RGL1: variants seen among roughly 807,000 people sequenced by gnomAD.
RGL1 encodes ral guanine nucleotide dissociation stimulator-like 1.
RGL1 carries 24 observed loss-of-function variants against 95.2 expected under a neutral mutation model. That is an observed-to-expected ratio of 0.25 (90% confidence interval 0.18 to 0.35). RGL1 has a LOEUF of 0.35. Ranked by LOEUF, RGL1 falls within the 10% of genes least tolerant of loss-of-function variation. The pLI is 1.00. For missense variants in RGL1, 715 were observed against 936.3 expected (o/e 0.76, Z 3.08); for synonymous variants, 329 against 344.9 (o/e 0.95, Z 0.51).
At chr1:183,828,915 G>A (rs1663067791) in intron 2 of RGL1, among the ~76,000 whole-genome samples, 3 of 152,208 alleles carry the variant, frequency 2.0e-5, no homozygotes. Flanking sequence ...AAGAGAGTTG[G>A]AGAGGAGAAT....
At chr1:183,807,680 C>T (rs1239549867) in intron 2 of RGL1, among the ~76,000 whole-genome samples, 9 of 152,198 alleles carry the variant, frequency 5.9e-5, no homozygotes, top group Non-Finnish European at 1.3e-4. Flanking sequence ...CAGGCCTTTC[C>T]TGCTACTGTA....
chr1:183,777,834 T>C (rs1659676709), intron 2 of RGL1, among the ~76,000 whole-genome samples: 1 of 152,236 alleles, frequency 6.6e-6, no homozygotes, highest in African/African-American at 2.4e-5. Context: ...TTGAGTTTTA[T>C]GTACTTTTTA....
intron 3 of RGL1, among the ~76,000 whole-genome samples, chr1:183,849,651 C>T (rs1664704057): frequency 6.6e-6 from 1 of 151,824 alleles, no homozygotes; most frequent in South Asian, 2.1e-4. Context: ...CCACCACACC[C>T]AGCTAATTTT....
chr1:183,762,558 T>C (rs188142782), intron 2 of RGL1, among the ~76,000 whole-genome samples: 3 of 152,290 alleles, frequency 2.0e-5, no homozygotes, highest in African/African-American at 7.2e-5. Context: ...TCACATACTG[T>C]TGAAAAAATG....
At chr1:183,804,433 TGAA>T (rs1661157035), upstream of RGL1, among the ~76,000 whole-genome samples, 1 of 152,224 alleles carries the variant, frequency 6.6e-6, no homozygotes, top group South Asian at 2.1e-4. Flanking sequence ...AGTCATCTGA[TGAA>T]GAACTTTTCC....
chr1:183,901,590 T>A (rs1261453642), intron 11 of RGL1, among the ~76,000 whole-genome samples: 2 of 152,150 alleles, frequency 1.3e-5, no homozygotes, highest in Non-Finnish European at 2.9e-5. Flanking sequence ...GTCAAATTTG[T>A]GATTTTTCAA....
chr1:183,722,787 G>A (rs530321922), intron 1 of RGL1, among the ~76,000 whole-genome samples: 116 of 152,212 alleles, frequency 7.6e-4, no homozygotes, highest in African/African-American at 2.5e-3. Flanking sequence ...GTGAGAGTTG[G>A]CCAGCACACC....
intron 1 of RGL1, among the ~76,000 whole-genome samples, chr1:183,661,737 G>A (rs899171640): frequency 2.7e-5 from 4 of 150,322 alleles, no homozygotes; most frequent in South Asian, 2.1e-4. Context: ...TATCAAAGCC[G>A]GGCAGAAGAG....
rs1237554330 is a variant in RGL1, at chr1:183,786,808, G to T, written c.133-19567G>T. Among the ~76,000 whole-genome samples, 6 of 152,176 alleles carry T rather than the reference G, an allele frequency of 3.9e-5. No individual in the cohort carries two copies. The East Asian group carries it at 1.2e-3, about 29-fold the overall frequency. ...TGGTCCAGCATTTATGTTGTCTGTAGTCTTGATATTTCAGTTTTTTAGGTC... is the reference window on the plus strand; with the variant it reads ...TGGTCCAGCATTTATGTTGTCTGTATTCTTGATATTTCAGTTTTTTAGGTC... On this transcript the variant is annotated intron_variant, in intron 2 of 18. Coordinates refer to the RGL1 transcript ENST00000304685.
intron 2 of RGL1, among the ~76,000 whole-genome samples, chr1:183,816,513 T>C (rs1572450438): frequency 1.3e-5 from 2 of 152,166 alleles, no homozygotes; most frequent in East Asian, 3.9e-4. Context: ...GCTTGTGAGG[T>C]TGTGACTTTC....
chr1:183,719,858 A>G (rs1488538122), intron 1 of RGL1, among the ~76,000 whole-genome samples: 2 of 152,168 alleles, frequency 1.3e-5, no homozygotes, highest in Non-Finnish European at 2.9e-5. Flanking sequence ...GTGAGCCGGG[A>G]TTGTGCCACT....
intron 2 of RGL1, among the ~76,000 whole-genome samples, chr1:183,782,947 T>C (rs1161345610): frequency 6.6e-6 from 1 of 152,102 alleles, no homozygotes; most frequent in African/African-American, 2.4e-5. Context: ...TTGCCCACCT[T>C]AATCATAAAC....
At chr1:183,906,429 A>G (rs1332273309) in intron 13 of RGL1, among the ~76,000 whole-genome samples, 1 of 152,090 alleles carries the variant, frequency 6.6e-6, no homozygotes, top group African/African-American at 2.4e-5. Context: ...AAGTATTTGT[A>G]GGCCACCCTG....
At chr1:183,922,849 C>T (rs1172095409) in intron 17 of RGL1, among the ~76,000 whole-genome samples, 2 of 152,164 alleles carry the variant, frequency 1.3e-5, no homozygotes, top group Non-Finnish European at 2.9e-5. Context: ...AGGTTATTTA[C>T]CTCACATTTA....
chr1:183,785,005 A>C (rs12141682), intron 2 of RGL1, among the ~76,000 whole-genome samples: 1 of 152,150 alleles, frequency 6.6e-6, no homozygotes, highest in African/African-American at 2.4e-5. Context: ...CATTCTTTTC[A>C]TGTGGCTTCT....
At chr1:183,720,882 G>A (rs1655980022) in intron 1 of RGL1, among the ~76,000 whole-genome samples, 2 of 152,170 alleles carry the variant, frequency 1.3e-5, no homozygotes, top group African/African-American at 4.8e-5. Context: ...TTGGATGTGG[G>A]TACTGAGCAA....
rs76771335 is a variant in RGL1, at chr1:183,926,717, A to G, written c.*425A>G. The G allele has an allele frequency of 3.8e-3, 577 of 153,386 alleles. 1 individual carries two copies. Among genetic ancestry groups the G allele is most frequent in the Admixed American group, 6.3e-3 (96 of 15,360 alleles). 9.5% of individuals were successfully genotyped at this position (153,386 alleles called of 1,614,324 possible). On this transcript the variant is annotated 3_prime_UTR_variant, in exon 18 of 18. Transcript: ENST00000360851. ...GAAGAAACTGAGAACCTAGTCTCGT[A>G]TATTCTGAGTAAATGGAATCAGTCC...
At chr1:183,891,199 G>T (rs1481411762) in intron 8 of RGL1, among the ~76,000 whole-genome samples, 2 of 151,840 alleles carry the variant, frequency 1.3e-5, no homozygotes, top group African/African-American at 4.8e-5. Flanking sequence ...TCTTAATAAT[G>T]GTTTTTTTCA....
At chr1:183,791,363 T>C (rs1455084020) in intron 2 of RGL1, among the ~76,000 whole-genome samples, 2 of 152,220 alleles carry the variant, frequency 1.3e-5, no homozygotes, top group African/African-American at 2.4e-5. Context: ...TCTGTGTGAG[T>C]AGTTATATTT....
Sources: gnomAD v4.1 joint callset for allele counts (sites outside exome capture counted in the v4.1 genomes callset) on GRCh38, gnomAD v4.1.1 for gene constraint, MANE v1.5 for transcripts, NCBI Gene and HGNC (gene_info 2026-07-23, HGNC 2026-07-21) for gene names.